Variants in AGBL4 observed in about 807,000 individuals in gnomAD.
The protein encoded by AGBL4 is cytosolic carboxypeptidase 6.
A neutral mutation model predicts 66.4 loss-of-function variants in AGBL4; 58 were observed. The observed-to-expected ratio is 0.87, with a 90% CI of 0.71 to 1.09. AGBL4 has a LOEUF of 1.09. AGBL4 is among the 50% of genes least tolerant of loss of function. AGBL4 has a pLI of 0.00. For synonymous variants in AGBL4, 234 were observed against 222.9 expected, an observed-to-expected ratio of 1.05 and a Z score of -0.44; for missense variants, 579 against 631.0, an observed-to-expected ratio of 0.92 and a Z score of 0.88.
intron 3 of AGBL4, chr1:49,469,864 G>A (rs941494374): frequency 9.9e-5 from 15 of 151,674 alleles, no homozygotes; most frequent in Admixed American, 5.9e-4. Context: ...TTTCATCTTC[G>A]GTTAAGCAGA....
intron 3 of AGBL4, among the ~76,000 whole-genome samples, chr1:49,697,096 C>T (rs373932802): frequency 2.6e-5 from 4 of 152,094 alleles, no homozygotes; most frequent in Admixed American, 2.6e-4. Flanking sequence ...ACACTTTATT[C>T]TCAGATGAAA....
chr1:49,792,101 T>C (rs531078465), intron 2 of AGBL4, among the ~76,000 whole-genome samples: 1 of 152,216 alleles, frequency 6.6e-6, no homozygotes, highest in African/African-American at 2.4e-5. Flanking sequence ...CATATTCTCC[T>C]GGGTAACTTT....
intron 3 of AGBL4, among the ~76,000 whole-genome samples, chr1:49,370,562 C>T (rs189006953): frequency 5.9e-4 from 90 of 152,252 alleles, no homozygotes; most frequent in African/African-American, 2.1e-3. Flanking sequence ...CTAGAAAATA[C>T]CTTCACAGCA....
intron 3 of AGBL4, chr1:49,269,276 A>C (rs1644001083): frequency 6.6e-6 from 1 of 152,216 alleles, no homozygotes. Flanking sequence ...AACGAGCATT[A>C]ATAAATGTTT....
chr1:49,153,324 A>G (rs753669243), intron 4 of AGBL4, among the ~76,000 whole-genome samples: 2 of 152,124 alleles, frequency 1.3e-5, no homozygotes, highest in Non-Finnish European at 2.9e-5. Context: ...TTGAAATTCA[A>G]CTAGTGCTGC....
chr1:49,595,966 C>G (rs1211897739), intron 3 of AGBL4, among the ~76,000 whole-genome samples: 1 of 152,084 alleles, frequency 6.6e-6, no homozygotes, highest in South Asian at 2.1e-4. Context: ...CTCCCAAGAT[C>G]TCTCACCTCT....
At chr1:49,033,676 C>T (rs1391684269) in intron 5 of AGBL4, among the ~76,000 whole-genome samples, 1 of 152,096 alleles carries the variant, frequency 6.6e-6, no homozygotes, top group East Asian at 1.9e-4. Flanking sequence ...CTGCCAAACT[C>T]TGTATCTTCA....
chr1:49,046,491 C>G (rs1318626221), intron 4 of AGBL4, among the ~76,000 whole-genome samples: 1 of 152,136 alleles, frequency 6.6e-6, no homozygotes. Context: ...GCTGTGTGGG[C>G]AATTTTGCTA....
rs148590401 is a variant in AGBL4 at position 49,753,707 on chromosome 1, A to G, written c.158-56270T>C. ...CTGCCCCTCACTTTCAGGTATGCCA[A>G]TCAAATGTAGGTCTGGTCTTTTCAC... On this transcript the variant is annotated intron_variant, in intron 2 of 13. Transcript: ENST00000371839. 3.9e-4 allele frequency among the ~76,000 whole-genome samples: 59 copies of G among 152,298 alleles called. 1 individual carries two copies. In the East Asian group the frequency reaches 0.011, roughly 28 times the overall value.
At chr1:48,606,038 T>C (rs1488331956) in intron 9 of AGBL4, among the ~76,000 whole-genome samples, 1 of 152,196 alleles carries the variant, frequency 6.6e-6, no homozygotes, top group African/African-American at 2.4e-5. Context: ...TTGCTGCTGA[T>C]GTAAAGAACT....
chr1:49,884,018 A>G (rs1351002271), intron 1 of AGBL4, among the ~76,000 whole-genome samples: 3 of 152,000 alleles, frequency 2.0e-5, no homozygotes, highest in Admixed American at 6.6e-5. Flanking sequence ...TGGCAGAGTT[A>G]TTGTTGCTAT....
At chr1:48,759,253 G>A (rs962471023) in intron 6 of AGBL4, 13 of 1,574,992 alleles carry the variant, frequency 8.3e-6, no homozygotes, top group African/African-American at 2.7e-5. Context: ...GCTCTTGTGC[G>A]CCACTTCGCT....
chr1:48,553,816 G>C (rs1374097556), intron 11 of AGBL4, among the ~76,000 whole-genome samples: 1 of 152,060 alleles, frequency 6.6e-6, no homozygotes, highest in Non-Finnish European at 1.5e-5. Flanking sequence ...TTTCTAACCT[G>C]TTCCCTTGTT....
At chr1:49,112,497 A>G (rs1251441375) in intron 4 of AGBL4, among the ~76,000 whole-genome samples, 1 of 152,194 alleles carries the variant, frequency 6.6e-6, no homozygotes, top group Non-Finnish European at 1.5e-5. Context: ...TCTTCCTTTC[A>G]TGAAAACTTT....
chr1:48,977,753 C>A (rs536125322), intron 5 of AGBL4, among the ~76,000 whole-genome samples: 1 of 152,032 alleles, frequency 6.6e-6, no homozygotes, highest in Admixed American at 6.6e-5. Context: ...CAATTACTAA[C>A]GAAAATTGGG....
intron 5 of AGBL4, among the ~76,000 whole-genome samples, chr1:48,903,853 T>C (rs1393854981): frequency 1.3e-5 from 2 of 152,210 alleles, no homozygotes; most frequent in African/African-American, 4.8e-5. Flanking sequence ...TGTAAAATAA[T>C]GTTTAAGGTG....
intron 6 of AGBL4, among the ~76,000 whole-genome samples, chr1:48,765,190 C>G (rs1245295406): frequency 6.6e-6 from 1 of 152,206 alleles, no homozygotes; most frequent in Non-Finnish European, 1.5e-5. Flanking sequence ...TATCCACTGG[C>G]GTATGAGTAA....
chr1:49,471,211 A>G (rs1646736529), intron 3 of AGBL4, among the ~76,000 whole-genome samples: 1 of 152,036 alleles, frequency 6.6e-6, no homozygotes. Flanking sequence ...AACAAAAGCA[A>G]TAATATAAGT....
At chr1:49,521,912 G>T (rs925262606) in intron 3 of AGBL4, among the ~76,000 whole-genome samples, 14 of 36,876 alleles carry the variant, frequency 3.8e-4, no homozygotes, top group Admixed American at 1.6e-3. Context: ...AACTATTAGA[G>T]GGGGGAATGA....
Sources: gnomAD v4.1 joint callset for allele counts (sites outside exome capture counted in the v4.1 genomes callset) on GRCh38, gnomAD v4.1.1 for gene constraint, MANE v1.5 for transcripts, NCBI Gene and HGNC (gene_info 2026-07-23, HGNC 2026-07-21) for gene names.